The following CREB5 variants were observed in gnomAD, a reference collection of about 807,000 sequenced individuals.
CREB5 encodes the protein cyclic AMP-responsive element-binding protein 5.
CREB5 carries 19 observed loss-of-function variants against 57.1 expected under a neutral mutation model. That is an observed-to-expected ratio of 0.33 (90% confidence interval 0.23 to 0.49). The LOEUF (loss-of-function observed/expected upper bound fraction) is 0.49, where lower values mean the gene tolerates loss of function less well. Among genes scored for constraint, CREB5 ranks in the 20% least tolerant of loss-of-function variants. The probability of loss-of-function intolerance (pLI) is 0.99; values close to 1 mark genes in which losing one functional copy is unlikely to be tolerated. For missense variants in CREB5, 579 were observed against 671.6 expected (o/e 0.86, Z 1.52); for synonymous variants, 238 against 238.3 (o/e 1.00, Z 0.01).
chr7:28,348,396 TGTCTCTCTCTCTCACACACACACA>T (rs1319379833), intron 1 of CREB5, among the ~76,000 whole-genome samples: 3 of 106,182 alleles, frequency 2.8e-5, no homozygotes, highest in Admixed American at 9.3e-5. Flanking sequence ...TCTCTCTCTC[TGTCTCTCTCTCTCACACACACACA>T]CACACACACA....
chr7:28,658,098 G>A (rs565166890), intron 5 of CREB5, among the ~76,000 whole-genome samples: 1 of 152,232 alleles, frequency 6.6e-6, no homozygotes, highest in Non-Finnish European at 1.5e-5. Context: ...TTAATGCAGA[G>A]GATGCAATAA....
chr7:28,695,941 GA>G (rs57192625), intron 5 of CREB5, among the ~76,000 whole-genome samples: 66,825 of 151,932 alleles, frequency 0.44, 15,434 homozygotes, highest in African/African-American at 0.56. Context: ...TTATGATTCT[GA>G]AAAAAAAGAG....
intron 7 of CREB5, among the ~76,000 whole-genome samples, chr7:28,794,212 G>A (rs974186570): frequency 1.3e-4 from 20 of 152,202 alleles, no homozygotes; most frequent in African/African-American, 4.3e-4. Flanking sequence ...TTTCTTCTTC[G>A]ATAAAAGCTG....
chr7:28,514,496 C>T (rs1410887570), intron 4 of CREB5, among the ~76,000 whole-genome samples: 1 of 152,076 alleles, frequency 6.6e-6, no homozygotes, highest in East Asian at 1.9e-4. Flanking sequence ...CCCGGGTTCA[C>T]GCCATTCTCC....
intron 4 of CREB5, among the ~76,000 whole-genome samples, chr7:28,540,406 G>A (rs990237143): frequency 7.9e-5 from 12 of 152,144 alleles, no homozygotes; most frequent in Non-Finnish European, 1.6e-4. Context: ...GGAGGGCAGG[G>A]TGGAAGGAGG....
intron 5 of CREB5, among the ~76,000 whole-genome samples, chr7:28,692,860 C>T (rs1801345067): frequency 6.6e-6 from 1 of 152,178 alleles, no homozygotes; most frequent in South Asian, 2.1e-4. Flanking sequence ...ACTTACACAC[C>T]TTTGAAAACT....
In CREB5 at chr7:28,617,695, G is replaced by A. The variant is rs1022509145; in HGVS notation, c.464+47158G>A. ...AATAATTCAATAATGAGAGTTGGAAGCTGTCCCAGCAGGAGATGTTATGAA... is the reference window on the plus strand; with the variant it reads ...AATAATTCAATAATGAGAGTTGGAAACTGTCCCAGCAGGAGATGTTATGAA... On this transcript the variant is annotated intron_variant, in intron 5 of 10. Coordinates refer to ENST00000357727, the MANE Select transcript of CREB5 (RefSeq NM_182898.4). Among the ~76,000 whole-genome samples the A allele has an allele frequency of 2.8e-4, 43 of 152,224 alleles. 1 individual carries two copies. Among genetic ancestry groups the A allele is most frequent in the Admixed American group, 4.6e-4 (7 of 15,286 alleles).
At chr7:28,509,144 C>T (rs998151816) in intron 4 of CREB5, among the ~76,000 whole-genome samples, 4 of 152,166 alleles carry the variant, frequency 2.6e-5, no homozygotes, top group South Asian at 4.1e-4. Flanking sequence ...ATAGTCAAAG[C>T]TGGCTTCTTA....
At chr7:28,811,117 T>TTACTC (rs1398644048) in intron 9 of CREB5, among the ~76,000 whole-genome samples, 7 of 152,192 alleles carry the variant, frequency 4.6e-5, no homozygotes, top group African/African-American at 1.7e-4. Flanking sequence ...GTTTATAGTG[T>TTACTC]AGTGTCTACA....
intron 1 of CREB5, among the ~76,000 whole-genome samples, chr7:28,443,158 T>A (rs1346245368): frequency 1.3e-5 from 2 of 152,160 alleles, no homozygotes; most frequent in African/African-American, 4.8e-5. Flanking sequence ...AGACACAAAG[T>A]TCTTTATTAC....
chr7:28,693,360 A>C (rs1193903188), intron 5 of CREB5, among the ~76,000 whole-genome samples: 2 of 152,230 alleles, frequency 1.3e-5, no homozygotes, highest in South Asian at 2.1e-4. Context: ...GAGTCCATCA[A>C]CTTTTTATTT....
chr7:28,762,043 T>G (rs1222719193), intron 7 of CREB5, among the ~76,000 whole-genome samples: 1 of 152,102 alleles, frequency 6.6e-6, no homozygotes, highest in Non-Finnish European at 1.5e-5. Flanking sequence ...AAGTTTGTAA[T>G]GAGGAGAAAG....
chr7:28,597,517 A>C lies in CREB5; in HGVS notation c.464+26980A>C, dbSNP rs1253724504. On this transcript the variant is annotated intron_variant, in intron 5 of 10. Coordinates refer to ENST00000357727, the MANE Select transcript of CREB5 (RefSeq NM_182898.4). ...TGATTCCAGATCAGGAAAGATAAAC[A>C]GTGATCTGGAGGGTCTGGTTTAGAT... 3.9e-5 allele frequency among the ~76,000 whole-genome samples: 6 copies of C among 152,344 alleles called. No homozygotes were observed. In the East Asian group the frequency reaches 1.2e-3, roughly 29 times the overall value.
At chr7:28,546,719 C>T (rs1206666074) in intron 4 of CREB5, among the ~76,000 whole-genome samples, 1 of 152,186 alleles carries the variant, frequency 6.6e-6, no homozygotes, top group Non-Finnish European at 1.5e-5. Flanking sequence ...ATGAGCAATT[C>T]TCTGGTTAAC....
At chr7:28,387,316 C>A (rs1787127773) in intron 1 of CREB5, among the ~76,000 whole-genome samples, 1 of 152,048 alleles carries the variant, frequency 6.6e-6, no homozygotes, top group Non-Finnish European at 1.5e-5. Context: ...ATTTGCATTT[C>A]TCTAATGATC....
intron 5 of CREB5, among the ~76,000 whole-genome samples, chr7:28,648,478 G>A (rs1420882688): frequency 2.6e-5 from 4 of 152,102 alleles, no homozygotes; most frequent in African/African-American, 4.8e-5. Context: ...GCTCACACCT[G>A]TAATCCCAGC....
chr7:28,388,365 A>G (rs1467022040), intron 1 of CREB5, among the ~76,000 whole-genome samples: 1 of 152,090 alleles, frequency 6.6e-6, no homozygotes, highest in African/African-American at 2.4e-5. Context: ...TTTTGGTTTT[A>G]TGTAAGGTCT....
intron 4 of CREB5, among the ~76,000 whole-genome samples, chr7:28,535,856 C>T (rs1793946552): frequency 6.6e-6 from 1 of 152,124 alleles, no homozygotes; most frequent in African/African-American, 2.4e-5. Flanking sequence ...GTGCTAACTT[C>T]TGTCCCACCA....
At chr7:28,554,596 T>C (rs1490205711) in intron 4 of CREB5, among the ~76,000 whole-genome samples, 3 of 152,226 alleles carry the variant, frequency 2.0e-5, no homozygotes, top group Admixed American at 2.0e-4. Flanking sequence ...CACTGAAACC[T>C]AACAATCAAA....
Sources: allele counts gnomAD v4.1 joint callset (sites outside exome capture counted in the v4.1 genomes callset), GRCh38; gene constraint gnomAD v4.1.1; transcripts MANE v1.5; gene names NCBI Gene and HGNC (gene_info 2026-07-23, HGNC 2026-07-21).